Variants in ADTRP observed in about 807,000 individuals in gnomAD.
ADTRP encodes androgen-dependent TFPI-regulating protein.
Under a neutral mutation model 27.0 loss-of-function variants are expected in ADTRP, and 20 were observed. The ratio of observed to expected loss-of-function variants is 0.74; its 90% confidence interval spans 0.52 to 1.08. ADTRP has a LOEUF of 1.08. Among genes scored for constraint, ADTRP ranks in the 50% least tolerant of loss-of-function variants. ADTRP has a pLI of 0.00. For missense variants in ADTRP, 251 were observed against 275.0 expected (o/e 0.91, Z 0.62); for synonymous variants, 101 against 105.2 (o/e 0.96, Z 0.25).
At chr6:11,766,197 C>T (rs891838551) in intron 3 of ADTRP, 77 bp downstream of exon 3, 2 of 1,069,512 alleles carry the variant, frequency 1.9e-6, no homozygotes, top group Non-Finnish European at 2.7e-6. Context: ...CATTTGGAAA[C>T]ATAGATAAGG....
At chr6:11,763,065 A>C (rs1415807216) in intron 3 of ADTRP, among the ~76,000 whole-genome samples, 1 of 152,220 alleles carries the variant, frequency 6.6e-6, no homozygotes, top group African/African-American at 2.4e-5. Context: ...AAACAGTCAG[A>C]TTGATCTACT....
intron 2 of ADTRP, among the ~76,000 whole-genome samples, chr6:11,766,851 A>G (rs376068122): frequency 6.6e-6 from 1 of 152,216 alleles, no homozygotes; most frequent in South Asian, 2.1e-4. Flanking sequence ...GAAAATGCAC[A>G]AGCTAGCTGA....
At chr6:11,717,189 A>T in intron 5 of ADTRP, 2 of 1,022,338 alleles carry the variant, frequency 2.0e-6, no homozygotes, top group Non-Finnish European at 2.5e-6. Context: ...CATTTTTCCC[A>T]GTAGAAAGTA....
chr6:11,716,201 C>T (rs1391418382), intron 5 of ADTRP, among the ~76,000 whole-genome samples: 4 of 152,154 alleles, frequency 2.6e-5, no homozygotes, highest in African/African-American at 9.7e-5. Flanking sequence ...ATTCCTAAAA[C>T]TTTCTTTTAT....
At position 11,714,052 on chromosome 6, in the gene ADTRP, C is replaced by T; in HGVS notation, c.*426G>A. ...AGAGAAGTCATTGCCTTGGTTCTGA[C>T]ACTAAGTAACCCTTTTGCCTTTTGC... On this transcript the variant is annotated 3_prime_UTR_variant, in exon 6 of 6. Transcript: ENST00000414691. The T allele has an allele frequency of 6.3e-6, 1 of 158,844 alleles. No individual in the cohort carries two copies. The highest frequency in any genetic ancestry group is 1.4e-5 in the Non-Finnish European group (1 of 72,828). 9.8% of individuals were successfully genotyped at this position (158,844 alleles called of 1,614,324 possible). A position where few individuals can be genotyped will look rare whatever the true frequency, so the allele number is the denominator to read the frequency against.
At chr6:11,755,658 A>G (rs1475872646) in intron 3 of ADTRP, among the ~76,000 whole-genome samples, 1 of 152,236 alleles carries the variant, frequency 6.6e-6, no homozygotes, top group African/African-American at 2.4e-5. Context: ...TCAGTGTCTC[A>G]GTGTTTCCCA....
chr6:11,756,576 A>G (rs1763221706), intron 3 of ADTRP, among the ~76,000 whole-genome samples: 1 of 152,220 alleles, frequency 6.6e-6, no homozygotes. Flanking sequence ...TATCTCAAAA[A>G]AAAGTTTAAT....
chr6:11,718,961 C>T, intron 5 of ADTRP, among the ~76,000 whole-genome samples: 1 of 152,248 alleles, frequency 6.6e-6, no homozygotes. Flanking sequence ...TCCAATTTAA[C>T]ATGTGATTCC....
In ADTRP at chr6:11,713,728, T is replaced by G. The variant is rs1761717353; in HGVS notation, c.*750A>C. The G allele has an allele frequency of 1.3e-5, 2 of 152,224 alleles. No homozygotes were observed. Among genetic ancestry groups the G allele is most frequent in the Admixed American group, 1.3e-4 (2 of 15,284 alleles). The allele number at this position is 152,224 out of a possible 1,614,324, so 9.4% of individuals were successfully genotyped here. A position where few individuals can be genotyped will look rare whatever the true frequency, so the allele number is the denominator to read the frequency against. Reference sequence around the variant, plus strand: ...ATCAATGTTCAAATGGAAGAGGTTTTGACAATGTCACTATGTTTGATGTTT... The same window carrying G: ...ATCAATGTTCAAATGGAAGAGGTTTGGACAATGTCACTATGTTTGATGTTT... On this transcript the variant is annotated 3_prime_UTR_variant, in exon 6 of 6. Coordinates refer to ENST00000414691, the MANE Select transcript of ADTRP (RefSeq NM_032744.4).
intron 3 of ADTRP, chr6:11,755,180 T>C (rs759306198): frequency 2.4e-5 from 14 of 574,984 alleles, no homozygotes; most frequent in Non-Finnish European, 2.8e-5. Context: ...ATTACTAAAA[T>C]TCCTAGTAAC....
chr6:11,763,266 T>G (rs78946898), intron 3 of ADTRP, among the ~76,000 whole-genome samples: 1 of 152,202 alleles, frequency 6.6e-6, no homozygotes. Flanking sequence ...TGATTAATCA[T>G]GAAGGTCCTA....
chr6:11,747,605 G>A (rs1762908970), intron 3 of ADTRP, among the ~76,000 whole-genome samples: 1 of 152,162 alleles, frequency 6.6e-6, no homozygotes, highest in African/African-American at 2.4e-5. Context: ...CACTTGTTCT[G>A]TTTCTATTTG....
At chr6:11,778,513 A>C in intron 1 of ADTRP, 94 bp downstream of exon 1, 2 of 1,424,748 alleles carry the variant, frequency 1.4e-6, no homozygotes, top group Non-Finnish European at 1.9e-6. Flanking sequence ...AAATAACAAA[A>C]TTGTGTATTT....
intron 5 of ADTRP, among the ~76,000 whole-genome samples, chr6:11,719,128 C>T (rs1180739638): frequency 2.0e-5 from 3 of 152,220 alleles, no homozygotes; most frequent in Non-Finnish European, 4.4e-5. Flanking sequence ...GAGAGCACCA[C>T]ACTGCACAAG....
intron 4 of ADTRP, among the ~76,000 whole-genome samples, chr6:11,726,555 G>A (rs1762208243): frequency 6.6e-6 from 1 of 152,212 alleles, no homozygotes; most frequent in African/African-American, 2.4e-5. Flanking sequence ...CTTGTCGGCA[G>A]CCAGGGCCAT....
At chr6:11,749,044 G>A (rs552323198) in intron 3 of ADTRP, among the ~76,000 whole-genome samples, 2 of 152,356 alleles carry the variant, frequency 1.3e-5, no homozygotes, top group Non-Finnish European at 2.9e-5. Context: ...ATGAAAGCTG[G>A]AGGACCAGTT....
chr6:11,775,134 C>A (rs1398070688), intron 1 of ADTRP, among the ~76,000 whole-genome samples: 2 of 152,096 alleles, frequency 1.3e-5, no homozygotes, highest in African/African-American at 4.8e-5. Flanking sequence ...GAAATAGTAG[C>A]CATGAAGGGG....
Position 11,741,817 on chromosome 6 carries a change from A to G in ADTRP, c.391-6134T>C, listed in dbSNP as rs78728895. Among the ~76,000 whole-genome samples, 509 of 151,960 alleles carry G rather than the reference A, an allele frequency of 3.3e-3. 2 individuals are homozygous for G. The highest frequency in any genetic ancestry group is 0.012 in the African/African-American group (494 of 41,424). On this transcript the variant is annotated intron_variant, in intron 3 of 5. Transcript: ENST00000414691. ...CCTTCCCCTCTCTCTCCACCCCTCTAAAGTATCCAAATCCCTTCTTCCTAT... is the reference window on the plus strand; with the variant it reads ...CCTTCCCCTCTCTCTCCACCCCTCTGAAGTATCCAAATCCCTTCTTCCTAT...
chr6:11,741,681 G>A (rs527558477), intron 3 of ADTRP, among the ~76,000 whole-genome samples: 3 of 150,944 alleles, frequency 2.0e-5, no homozygotes, highest in Admixed American at 6.6e-5. Flanking sequence ...GTGAAGAAGC[G>A]ACAATTTGGA....
Sources: allele counts gnomAD v4.1 joint callset (sites outside exome capture counted in the v4.1 genomes callset), GRCh38; gene constraint gnomAD v4.1.1; transcripts MANE v1.5; gene names NCBI Gene and HGNC (gene_info 2026-07-23, HGNC 2026-07-21).